Variants in PCYT1A observed in about 807,000 individuals in gnomAD.
PCYT1A encodes the protein choline-phosphate cytidylyltransferase A.
Under a neutral mutation model 43.7 loss-of-function variants are expected in PCYT1A, and 25 were observed. The observed-to-expected ratio is 0.57, with a 90% CI of 0.42 to 0.80. The LOEUF is 0.80. Among genes scored for constraint, PCYT1A ranks in the 30% least tolerant of loss-of-function variants. PCYT1A has a pLI of 0.00. For missense variants in PCYT1A, 421 were observed against 474.2 expected, an observed-to-expected ratio of 0.89 and a Z score of 1.04; for synonymous variants, 172 against 170.7, an observed-to-expected ratio of 1.01 and a Z score of -0.06.
chr3:196,251,139 C>T (rs1235702713), intron 3 of PCYT1A, among the ~76,000 whole-genome samples: 4 of 137,348 alleles, frequency 2.9e-5, no homozygotes, highest in Admixed American at 7.3e-5. Flanking sequence ...AGGCTGAGGA[C>T]CAGATACACC....
intron 7 of PCYT1A, chr3:196,241,727 T>C: frequency 2.2e-6 from 3 of 1,358,734 alleles, no homozygotes; most frequent in East Asian, 5.3e-5. Flanking sequence ...ATTTATTTAG[T>C]TGGCTGTATG....
intron 1 of PCYT1A, among the ~76,000 whole-genome samples, chr3:196,284,497 A>G (rs1725850153): frequency 6.6e-6 from 1 of 152,238 alleles, no homozygotes; most frequent in African/African-American, 2.4e-5. Context: ...ATCTACAACA[A>G]GAGAAAGCAA....
intron 7 of PCYT1A, chr3:196,241,551 T>C: frequency 7.7e-7 from 1 of 1,295,372 alleles, no homozygotes; most frequent in Non-Finnish European, 1.0e-6. Context: ...AATTTAAAAC[T>C]CAGGTCTGTG....
Position 196,235,086 on chromosome 3 carries a change from G to A in PCYT1A, c.*3602C>T, listed in dbSNP as rs1020404748. 1 of 152,144 alleles carries A rather than the reference G, an allele frequency of 6.6e-6. No homozygotes were observed. Among genetic ancestry groups the A allele is most frequent in the Non-Finnish European group, 1.5e-5 (1 of 68,034 alleles). The allele number at this position is 152,144 out of a possible 1,614,324, so 9.4% of individuals were successfully genotyped here. A position where few individuals can be genotyped will look rare whatever the true frequency, so the allele number is the denominator to read the frequency against. On this transcript the variant is annotated 3_prime_UTR_variant, in exon 9 of 9. Coordinates refer to ENST00000431016, the MANE Select transcript of PCYT1A (RefSeq NM_001312673.2). The surrounding 1 kb of genome is among the most constrained non-coding windows in gnomAD (Gnocchi z 4.3). ...TAAAGAAAAGCAGCAAAATATAATTGATTTGGAAAGATTTTGGATAAGTGA... is the reference window on the plus strand; with the variant it reads ...TAAAGAAAAGCAGCAAAATATAATTAATTTGGAAAGATTTTGGATAAGTGA...
intron 5 of PCYT1A, among the ~76,000 whole-genome samples, chr3:196,245,857 A>G (rs1189547014): frequency 2.0e-5 from 3 of 151,902 alleles, no homozygotes; most frequent in African/African-American, 7.3e-5. Flanking sequence ...AGGCTGAGGC[A>G]GGCGAATCAC....
intron 2 of PCYT1A, among the ~76,000 whole-genome samples, chr3:196,262,786 CTTT>C (rs200006356): frequency 7.2e-6 from 1 of 138,334 alleles, no homozygotes; most frequent in Non-Finnish European, 1.5e-5. Flanking sequence ...TCTAAGGATT[CTTT>C]TTTTTTTTTT....
rs2108777731 is a variant in PCYT1A, at chr3:196,270,453, C to A, written c.79G>T (p.Glu27Ter). ...EAPGPNGATE[E>*]DGVPSKVQRC... is the part of the protein sequence containing the mutation. ...TGCACTTTGGAAGGAACCCCATCTT[C>A]TTCTGTTGCCCCGTTGGGTCCGGGC... The change falls in exon 2 of 9, where the codon GAA becomes TAA. Residue 27 changes from glutamate to a stop codon, truncating the protein, a stop_gained. Transcript: ENST00000431016. LOFTEE classifies it high-confidence loss of function. The A allele has an allele frequency of 1.2e-6, 2 of 1,614,142 alleles. No homozygotes were observed. The highest frequency in any genetic ancestry group is 1.7e-6 in the Non-Finnish European group (2 of 1,179,962).
chr3:196,248,042 C>G, intron 4 of PCYT1A, 165 bp downstream of exon 4: 1 of 633,436 alleles, frequency 1.6e-6, no homozygotes, highest in Middle Eastern at 4.4e-4. Context: ...CTCCTCTCTC[C>G]AGGTTTAGTT....
chr3:196,286,437 A>T lies in PCYT1A; in HGVS notation c.-11+1178T>A, dbSNP rs556464273. 9.8e-5 allele frequency among the ~76,000 whole-genome samples: 15 copies of T among 152,316 alleles called. No individual in the cohort carries two copies. In the South Asian group the frequency reaches 3.1e-3, roughly 32 times the overall value. On this transcript the variant is annotated intron_variant, in intron 1 of 8. Coordinates refer to ENST00000431016, the MANE Select transcript of PCYT1A (RefSeq NM_001312673.2). ...AGAACCAAAAGAAAACTCAGAAATC[A>T]TCCGGTCCAATGTTTTTCAAACTTT...
chr3:196,259,324 A>G (rs879293785), intron 2 of PCYT1A, among the ~76,000 whole-genome samples: 3 of 150,728 alleles, frequency 2.0e-5, no homozygotes, highest in African/African-American at 4.9e-5. Flanking sequence ...GTCTCTTTCT[A>G]GGAAATTGTC....
chr3:196,266,609 G>A (rs1725281845), intron 2 of PCYT1A, among the ~76,000 whole-genome samples: 1 of 152,132 alleles, frequency 6.6e-6, no homozygotes, highest in Non-Finnish European at 1.5e-5. Flanking sequence ...TGAAGTACTG[G>A]CCGGACGTGG....
chr3:196,265,646 G>C (rs546094111), intron 2 of PCYT1A, among the ~76,000 whole-genome samples: 114 of 152,088 alleles, frequency 7.5e-4, no homozygotes, highest in African/African-American at 2.6e-3. Context: ...AGCTCCACCG[G>C]GTGTGGTGGC....
rs1725625280 is a variant in PCYT1A at position 196,277,541 on chromosome 3, T to G, written c.-10-7000A>C. ...AATTTAGAAATTATGCAAAGATTAC[T>G]CCTCATGACTTTCCTCTAGAACTAC... is the stretch of plus-strand genomic sequence containing the variant. On this transcript the variant is annotated intron_variant, in intron 1 of 8. Transcript: ENST00000431016. The surrounding 1 kb of genome is among the most constrained non-coding windows in gnomAD (Gnocchi z 4.1). Among the ~76,000 whole-genome samples the G allele has an allele frequency of 1.3e-5, 2 of 152,202 alleles. No homozygotes were observed. Among genetic ancestry groups the G allele is most frequent in the South Asian group, 4.1e-4 (2 of 4,836 alleles).
chr3:196,236,492 C>G lies in PCYT1A; in HGVS notation c.*2196G>C, dbSNP rs1251194467. 6.6e-6 allele frequency: 1 copy of G among 152,046 alleles called. No individual in the cohort carries two copies. Among genetic ancestry groups the G allele is most frequent in the Non-Finnish European group, 1.5e-5 (1 of 68,040 alleles). The allele number at this position is 152,046 out of a possible 1,614,324, so 9.4% of individuals were successfully genotyped here. On this transcript the variant is annotated 3_prime_UTR_variant, in exon 9 of 9. Transcript: ENST00000431016. ...GGATTCCAAGCCAAAGCTTGTATGA[C>G]CAGATTTAAGAGTAAGAACTGCGCT...
At chr3:196,278,258 T>C (rs2108781351) in intron 1 of PCYT1A, among the ~76,000 whole-genome samples, 1 of 152,304 alleles carries the variant, frequency 6.6e-6, no homozygotes, top group East Asian at 1.9e-4. Flanking sequence ...CCAGTAACCA[T>C]TTGGAATACC....
chr3:196,280,907 A>G (rs1725752159), intron 1 of PCYT1A, among the ~76,000 whole-genome samples: 1 of 152,220 alleles, frequency 6.6e-6, no homozygotes, highest in Admixed American at 6.5e-5. Context: ...ACTAAGGGTG[A>G]GCTCTTGTAG....
chr3:196,239,813 C>T, intron 7 of PCYT1A, 78 bp from the exon 8 acceptor site: 2 of 909,712 alleles, frequency 2.2e-6, no homozygotes, highest in South Asian at 3.0e-5. Flanking sequence ...AAAAACATGG[C>T]TCAAGCACTC....
intron 7 of PCYT1A, chr3:196,241,596 G>A (rs562251100): frequency 2.7e-5 from 35 of 1,310,116 alleles, no homozygotes; most frequent in East Asian, 1.5e-4. Flanking sequence ...CTATCCACAC[G>A]AGGAGGGCTC....
intron 1 of PCYT1A, 99 bp downstream of exon 1, chr3:196,287,516 C>T (rs1188870789): frequency 6.5e-6 from 1 of 152,788 alleles, no homozygotes; most frequent in Non-Finnish European, 1.5e-5. Context: ...CTCCCACTGC[C>T]CTCGCTGTCA....
Sources: allele counts gnomAD v4.1 joint callset (sites outside exome capture counted in the v4.1 genomes callset), GRCh38; gene constraint gnomAD v4.1.1; non-coding constraint Gnocchi (gnomAD v3.1); transcripts MANE v1.5; gene names NCBI Gene and HGNC (gene_info 2026-07-23, HGNC 2026-07-21).